The following DIPK1A variants were observed in gnomAD, a reference collection of about 807,000 sequenced individuals.
DIPK1A encodes the protein divergent protein kinase domain 1A.
Under a neutral mutation model 40.8 loss-of-function variants are expected in DIPK1A, and 27 were observed. The ratio of observed to expected loss-of-function variants is 0.66; its 90% confidence interval spans 0.49 to 0.91. The LOEUF (loss-of-function observed/expected upper bound fraction) is 0.91, where lower values mean the gene tolerates loss of function less well. DIPK1A is among the 40% of genes least tolerant of loss of function. The probability of loss-of-function intolerance (pLI) is 0.00; values close to 1 mark genes in which losing one functional copy is unlikely to be tolerated. For missense variants in DIPK1A, 412 were observed against 505.7 expected, an observed-to-expected ratio of 0.81 and a Z score of 1.78; for synonymous variants, 166 against 171.3, an observed-to-expected ratio of 0.97 and a Z score of 0.24.
At chr1:92,857,050 C>T (rs1483337556) in intron 2 of DIPK1A, among the ~76,000 whole-genome samples, 2 of 152,062 alleles carry the variant, frequency 1.3e-5, no homozygotes, top group Non-Finnish European at 2.9e-5. Context: ...CAGTTTAGTA[C>T]CATTTATTAA....
chr1:92,839,222 G>C (rs1179288684), downstream of DIPK1A, among the ~76,000 whole-genome samples: 1 of 152,028 alleles, frequency 6.6e-6, no homozygotes. Context: ...AGCTGGGCAT[G>C]GTGGCTCACT....
chr1:92,923,387 T>C (rs1650346220), intron 1 of DIPK1A, among the ~76,000 whole-genome samples: 1 of 152,128 alleles, frequency 6.6e-6, no homozygotes, highest in African/African-American at 2.4e-5. Context: ...CTGCCTGCCT[T>C]GGCCTCCCAA....
chr1:92,860,468 T>G (rs771125039), intron 2 of DIPK1A, among the ~76,000 whole-genome samples: 1 of 152,108 alleles, frequency 6.6e-6, no homozygotes, highest in African/African-American at 2.4e-5. Context: ...ACTAAATCTT[T>G]CATGCAAGTT....
chr1:92,879,892 G>GT (rs1648293316), intron 1 of DIPK1A, among the ~76,000 whole-genome samples: 1 of 152,216 alleles, frequency 6.6e-6, no homozygotes, highest in Non-Finnish European at 1.5e-5. Context: ...CTGCCCAGCA[G>GT]TTTTTTGTTC....
At chr1:92,919,141 C>T (rs1650173407) in intron 1 of DIPK1A, among the ~76,000 whole-genome samples, 1 of 152,198 alleles carries the variant, frequency 6.6e-6, no homozygotes, top group Non-Finnish European at 1.5e-5. Flanking sequence ...TCATTCTCAT[C>T]TACCTATACA....
intron 2 of DIPK1A, among the ~76,000 whole-genome samples, chr1:92,872,557 C>G (rs1026213748): frequency 6.6e-6 from 1 of 152,052 alleles, no homozygotes; most frequent in African/African-American, 2.4e-5. Context: ...CTGTGTTTAT[C>G]TCTTGATTTT....
chr1:92,927,926 G>GT (rs1337962096), intron 1 of DIPK1A, among the ~76,000 whole-genome samples: 1 of 152,168 alleles, frequency 6.6e-6, no homozygotes, highest in Non-Finnish European at 1.5e-5. Context: ...ACATCCATGT[G>GT]TATGTTTTTC....
intron 2 of DIPK1A, among the ~76,000 whole-genome samples, chr1:92,854,897 C>T (rs1250200228): frequency 6.6e-6 from 1 of 152,084 alleles, no homozygotes; most frequent in African/African-American, 2.4e-5. Flanking sequence ...AGTCTGAGGC[C>T]TCATTAGGAG....
chr1:92,919,409 A>G (rs907244505), intron 1 of DIPK1A, among the ~76,000 whole-genome samples: 6 of 152,184 alleles, frequency 3.9e-5, no homozygotes, highest in Non-Finnish European at 7.3e-5. Flanking sequence ...TTGTTTCTGG[A>G]AGACATGGTC....
At position 92,843,061 on chromosome 1, in the gene DIPK1A, G is replaced by C; in HGVS notation, c.*322C>G. ...TTCCAGCATTGGTATTTTGGCTAAG[G>C]TAAATCTACAAATCACTCACTGTTG... On this transcript the variant is annotated 3_prime_UTR_variant, in exon 5 of 5. Coordinates refer to ENST00000370310, the MANE Select transcript of DIPK1A (RefSeq NM_001006605.5). 1 of 1,023,930 alleles carries C rather than the reference G, an allele frequency of 9.8e-7. No homozygotes were observed. The highest frequency in any genetic ancestry group is 1.2e-6 in the Non-Finnish European group (1 of 855,552). The allele number at this position is 1,023,930 out of a possible 1,614,324, so 63.4% of individuals were successfully genotyped here.
intron 2 of DIPK1A, among the ~76,000 whole-genome samples, chr1:92,865,067 T>C (rs1157935812): frequency 1.5e-5 from 2 of 130,964 alleles, no homozygotes; most frequent in Admixed American, 1.6e-4. Context: ...AAAAAAGATA[T>C]AACATACTAT....
rs1687451680 is a variant in DIPK1A, at chr1:92,843,354, TC to T, written c.*28del. The T allele has an allele frequency of 2.0e-6, 3 of 1,467,750 alleles. No individual in the cohort carries two copies. The highest frequency in any genetic ancestry group is 2.7e-6 in the Non-Finnish European group (3 of 1,110,268). 90.9% of individuals were successfully genotyped at this position (1,467,750 alleles called of 1,614,324 possible). The stretch of plus-strand genomic sequence containing the variant: ...AATTGTTCTTTAAAAGTGGCAGGTT[TC>T]TTAAAATGGTAATTATGTCCAAATG... On this transcript the variant is annotated 3_prime_UTR_variant, in exon 5 of 5. Coordinates refer to ENST00000370310, the MANE Select transcript of DIPK1A (RefSeq NM_001006605.5).
At position 92,950,135 on chromosome 1, in the gene DIPK1A, C is replaced by T. The variant is rs1245784558; in HGVS notation, c.54+11241G>A. 2.6e-5 allele frequency among the ~76,000 whole-genome samples: 4 copies of T among 152,084 alleles called. No individual in the cohort carries two copies. The East Asian group carries it at 7.7e-4, about 29-fold the overall frequency. On this transcript the variant is annotated intron_variant, in intron 1 of 4. Transcript: ENST00000370310. ...TTAAGGAGGGACTGCTGAAAGGTCACTTCCTCTTTGAGTTGAGACTTAAAG... is the reference window on the plus strand; with the variant it reads ...TTAAGGAGGGACTGCTGAAAGGTCATTTCCTCTTTGAGTTGAGACTTAAAG...
At position 92,909,816 on chromosome 1, in the gene DIPK1A, G is replaced by C. The variant is rs1159207015; in HGVS notation, c.55-33386C>G. Among the ~76,000 whole-genome samples the C allele has an allele frequency of 2.0e-5, 3 of 152,132 alleles. No individual in the cohort carries two copies. The East Asian group carries it at 5.8e-4, about 29-fold the overall frequency. On this transcript the variant is annotated intron_variant, in intron 1 of 4. Coordinates refer to ENST00000370310, the MANE Select transcript of DIPK1A (RefSeq NM_001006605.5). ...AAGTAACTTGACTACCAGGGTGTAG[G>C]GGGGAATAAAAGGACTGCCCAAGTG... is the stretch of plus-strand genomic sequence containing the variant.
chr1:92,915,889 A>T (rs1010010579), intron 1 of DIPK1A, among the ~76,000 whole-genome samples: 3 of 152,130 alleles, frequency 2.0e-5, no homozygotes, highest in South Asian at 2.1e-4. Flanking sequence ...TCAAGTAGAT[A>T]AAAAAAATAA....
intron 1 of DIPK1A, among the ~76,000 whole-genome samples, chr1:92,913,097 A>AG (rs1649899713): frequency 6.6e-6 from 1 of 152,164 alleles, no homozygotes; most frequent in African/African-American, 2.4e-5. Flanking sequence ...AAGAGAGAAA[A>AG]AAAAAGATAA....
intron 1 of DIPK1A, among the ~76,000 whole-genome samples, chr1:92,880,379 T>C (rs930152295): frequency 5.3e-5 from 8 of 152,260 alleles, no homozygotes; most frequent in Admixed American, 5.2e-4. Context: ...GCCAATATTT[T>C]ATTGTAAGCC....
rs561201036 is a variant in DIPK1A at position 92,941,616 on chromosome 1, T to C, written c.54+19760A>G. On this transcript the variant is annotated intron_variant, in intron 1 of 4. Coordinates refer to ENST00000370310, the MANE Select transcript of DIPK1A (RefSeq NM_001006605.5). ...TTTTTACATCCAGGGCAATGGACCT[T>C]TGTAATATCTAAAATGGATTAGCAG... Among the ~76,000 whole-genome samples the C allele has an allele frequency of 1.1e-4, 16 of 152,256 alleles. No individual in the cohort carries two copies. In the East Asian group the frequency reaches 3.1e-3, roughly 29 times the overall value.
intron 4 of DIPK1A, among the ~76,000 whole-genome samples, chr1:92,844,720 T>C (rs1280041823): frequency 3.9e-5 from 6 of 152,128 alleles, no homozygotes; most frequent in Non-Finnish European, 2.9e-5. Flanking sequence ...TGAGCCAGCA[T>C]GCCTGGCCTA....
Sources: gnomAD v4.1 joint callset for allele counts (sites outside exome capture counted in the v4.1 genomes callset) on GRCh38, gnomAD v4.1.1 for gene constraint, MANE v1.5 for transcripts, NCBI Gene and HGNC (gene_info 2026-07-23, HGNC 2026-07-21) for gene names.